CEP295: variants seen among roughly 807,000 people sequenced by gnomAD.
CEP295 encodes the protein centrosomal protein of 295 kDa.
A neutral mutation model predicts 291.6 loss-of-function variants in CEP295; 190 were observed. The observed-to-expected ratio is 0.65, with a 90% CI of 0.58 to 0.73. The LOEUF (loss-of-function observed/expected upper bound fraction) is 0.73. Among genes scored for constraint, CEP295 ranks in the 30% least tolerant of loss-of-function variants. The pLI is 0.00. For missense variants in CEP295, 2,863 were observed against 2,949.4 expected (o/e 0.97, Z 0.68); for synonymous variants, 993 against 1,038.8 (o/e 0.96, Z 0.85).
In CEP295 at chr11:93,719,046, T is replaced by A. The variant is rs1407951676; in HGVS notation, c.5750-2266T>A. On this transcript the variant is annotated intron_variant, in intron 18 of 29. Coordinates refer to ENST00000325212, the MANE Select transcript of CEP295 (RefSeq NM_033395.2). ...TCTCTTGAACCCGGGAGGTGGAGTT[T>A]GCAGTGAGCCAAGATCGTGCCTCTG... Among the ~76,000 whole-genome samples, 3 of 152,080 alleles carry A rather than the reference T, an allele frequency of 2.0e-5. No homozygotes were observed. In the East Asian group the frequency reaches 5.8e-4, roughly 30 times the overall value.
intron 18 of CEP295, among the ~76,000 whole-genome samples, chr11:93,714,004 T>C (rs1413653689): frequency 6.6e-6 from 1 of 152,186 alleles, no homozygotes; most frequent in East Asian, 1.9e-4. Flanking sequence ...TGCTTGATTC[T>C]TTTTAACTAT....
At chr11:93,667,880 G>T in intron 3 of CEP295, 73 bp downstream of exon 3, 1 of 1,009,150 alleles carries the variant, frequency 9.9e-7, no homozygotes, top group Non-Finnish European at 1.4e-6. Flanking sequence ...GTTGTTGAAT[G>T]CTTTTCTGAT....
At chr11:93,704,386 G>T (rs1952387252) in intron 17 of CEP295, among the ~76,000 whole-genome samples, 2 of 152,168 alleles carry the variant, frequency 1.3e-5, no homozygotes, top group African/African-American at 4.8e-5. Context: ...AGCACTTTGG[G>T]AGGCTGAGAT....
chr11:93,704,656 T>C (rs868330654), intron 17 of CEP295, among the ~76,000 whole-genome samples: 1 of 152,184 alleles, frequency 6.6e-6, no homozygotes, highest in Admixed American at 6.5e-5. Context: ...CTTCAAGACT[T>C]AGTAAGTGTC....
At position 93,724,102 on chromosome 11, in the gene CEP295, G is replaced by T. The variant is rs940654922; in HGVS notation, c.6197-152G>T. The stretch of plus-strand genomic sequence containing the variant: ...AACTTTAAAGCATCTGCTGATCATG[G>T]GGGAAAAACTGAAGTTTTTGTTACA... On this transcript the variant is annotated intron_variant, in intron 21 of 29. Transcript: ENST00000325212. 6 of 655,686 alleles carry T rather than the reference G, an allele frequency of 9.2e-6. No individual in the cohort carries two copies. In the Admixed American group the frequency reaches 1.0e-4, roughly 11 times the overall value. The allele number at this position is 655,686 out of a possible 1,614,324, so 40.6% of individuals were successfully genotyped here.
chr11:93,684,569 G>A (rs1220644516), intron 9 of CEP295, among the ~76,000 whole-genome samples: 1 of 152,174 alleles, frequency 6.6e-6, no homozygotes, highest in East Asian at 1.9e-4. Flanking sequence ...CCCATCCCGT[G>A]GAACATGAGC....
At chr11:93,721,699 TG>T in intron 19 of CEP295, 1 of 629,208 alleles carries the variant, frequency 1.6e-6, no homozygotes, top group African/African-American at 1.9e-5. Context: ...TGTGTGTGTG[TG>T]TACGCACATG....
rs779269255 is a variant in CEP295 at position 93,698,190 on chromosome 11, A to G, written c.3278A>G (p.Lys1093Arg). 2 of 1,551,896 alleles carry G rather than the reference A, an allele frequency of 1.3e-6. No homozygotes were observed. Among genetic ancestry groups the G allele is most frequent in the African/African-American group, 2.7e-5 (2 of 73,044 alleles). The change falls in exon 15 of 30, where the codon AAG becomes AGG. Residue 1093 changes from lysine (K) to arginine (R), a missense_variant. Coordinates refer to ENST00000325212, the MANE Select transcript of CEP295 (RefSeq NM_033395.2). ...AGACAAAGAGATTTGGGGGACAGTA[A>G]GTCTGGGCTGGTGAGCTCTTCATCC... ...LHRQRDLGDS[K>R]SGLVSSSSSP...
Position 93,698,709 on chromosome 11 carries a change from C to A in CEP295, c.3797C>A (p.Thr1266Asn). 1 of 1,551,426 alleles carries A rather than the reference C, an allele frequency of 6.4e-7. No homozygotes were observed. The highest frequency in any genetic ancestry group is 1.2e-5 in the South Asian group (1 of 84,060). Residue 1266 changes from threonine (T) to asparagine (N), a missense_variant, in exon 15 of 30, where the codon ACT becomes AAT. Thr to Asn is a moderately conservative substitution (Grantham distance 65). Around this residue, in one of 3 missense-constraint regions of CEP295, gnomAD observed 2,295 missense variants for 2,335.7 expected, o/e 0.98. Coordinates refer to ENST00000325212, the MANE Select transcript of CEP295 (RefSeq NM_033395.2). ...GAGGAACACCAAGCATGGCTAGACACTGAGAAAGAAGCCTTTCATTTCAGC... is the reference window on the plus strand; with the variant it reads ...GAGGAACACCAAGCATGGCTAGACAATGAGAAAGAAGCCTTTCATTTCAGC... The part of the protein sequence containing the change: ...NLEEHQAWLD[T>N]EKEAFHFSQK...
chr11:93,698,727 A>T lies in CEP295; in HGVS notation c.3815A>T (p.His1272Leu), dbSNP rs1195463623. 6.4e-7 allele frequency: 1 copy of T among 1,551,564 alleles called. No homozygotes were observed. The highest frequency in any genetic ancestry group is 8.7e-7 in the Non-Finnish European group (1 of 1,147,046). ...CTAGACACTGAGAAAGAAGCCTTTC[A>T]TTTCAGCCAGAAAACCCAAGAAAAT... is the stretch of plus-strand genomic sequence containing the variant. Reference protein sequence around the residue: ...AWLDTEKEAFHFSQKTQENTS... With the variant: ...AWLDTEKEAFLFSQKTQENTS... The change falls in exon 15 of 30, where the codon CAT becomes CTT. Residue 1272 changes from histidine (H) to leucine (L), a missense_variant. Transcript: ENST00000325212.
rs775157736 is a variant in CEP295 at position 93,666,836 on chromosome 11, A to G, written c.108+21A>G. On this transcript the variant is annotated intron_variant, in intron 2 of 29. Transcript: ENST00000325212. ...TACAGGTATGACTTATTTGTAATAA[A>G]GTTTTAAATTCCTTTCTTCCTCAAA... 2.4e-6 allele frequency: 3 copies of G among 1,262,192 alleles called. No homozygotes were observed. In the South Asian group the frequency reaches 4.0e-5, roughly 17 times the overall value. The allele number at this position is 1,262,192 out of a possible 1,614,324, so 78.2% of individuals were successfully genotyped here.
At chr11:93,717,025 T>C (rs1591130348) in intron 18 of CEP295, among the ~76,000 whole-genome samples, 2 of 152,252 alleles carry the variant, frequency 1.3e-5, no homozygotes, top group South Asian at 4.1e-4. Context: ...GTTGAAGGAG[T>C]GCTGGGAGAG....
At chr11:93,691,402 C>T (rs1018458963) in intron 10 of CEP295, among the ~76,000 whole-genome samples, 5 of 152,114 alleles carry the variant, frequency 3.3e-5, no homozygotes, top group African/African-American at 7.2e-5. Context: ...TTGTTGTTTC[C>T]GCTCTTTTTA....
rs1164897634 is a variant in CEP295 at position 93,725,693 on chromosome 11, T to C, written c.6361T>C (p.Ser2121Pro). 15 of 1,550,972 alleles carry C rather than the reference T, an allele frequency of 9.7e-6. No homozygotes were observed. Among genetic ancestry groups the C allele is most frequent in the Non-Finnish European group, 8.7e-6 (10 of 1,146,914 alleles). Residue 2121 changes from serine to proline, a missense_variant, in exon 23 of 30, where the codon TCC becomes CCC. Transcript: ENST00000325212. ...TGAAAGCCACTGTGCTACTGGATTA[T>C]CCAAAAGTACAGTTTATTTCACAGC... ...SSESHCATGL[S>P]KSTVYFTALR...
chr11:93,679,945 A>G (rs1416208929), intron 7 of CEP295, among the ~76,000 whole-genome samples: 2 of 152,202 alleles, frequency 1.3e-5, no homozygotes, highest in Admixed American at 6.5e-5. Flanking sequence ...TGTTTCAAAA[A>G]TAAAGTCATG....
At chr11:93,711,544 C>T (rs183888510) in intron 18 of CEP295, among the ~76,000 whole-genome samples, 1 of 152,034 alleles carries the variant, frequency 6.6e-6, no homozygotes, top group South Asian at 2.1e-4. Context: ...GCTCTGTCAT[C>T]CAGGCTGGAG....
chr11:93,722,090 G>T, intron 20 of CEP295, 40 bp downstream of exon 20: 1 of 1,209,634 alleles, frequency 8.3e-7, no homozygotes, highest in Non-Finnish European at 1.2e-6. Context: ...TTGAAAGACC[G>T]GCACCAGTTG....
At chr11:93,713,228 GT>G (rs1327127761) in intron 18 of CEP295, among the ~76,000 whole-genome samples, 2 of 152,058 alleles carry the variant, frequency 1.3e-5, no homozygotes, top group African/African-American at 4.8e-5. Flanking sequence ...AGTATGAGTA[GT>G]TTACACAAAA....
At chr11:93,684,736 C>G (rs1173304307) in intron 9 of CEP295, among the ~76,000 whole-genome samples, 1 of 152,188 alleles carries the variant, frequency 6.6e-6, no homozygotes, top group East Asian at 1.9e-4. Flanking sequence ...TGGACTCTCC[C>G]TTATGTGTAT....
Sources: allele counts gnomAD v4.1 joint callset (sites outside exome capture counted in the v4.1 genomes callset), GRCh38; gene constraint gnomAD v4.1.1; regional missense constraint gnomAD v4.1.1; transcripts MANE v1.5; gene names NCBI Gene and HGNC (gene_info 2026-07-23, HGNC 2026-07-21).